The following ZDHHC15 variants were observed in gnomAD, a reference collection of about 807,000 sequenced individuals.
ZDHHC15 encodes the protein palmitoyltransferase ZDHHC15.
In ZDHHC15, 19 loss-of-function variants were observed where a neutral mutation model predicts 31.7. The ratio of observed to expected loss-of-function variants is 0.60; its 90% confidence interval spans 0.42 to 0.88. The LOEUF is 0.88. Ranked by LOEUF, ZDHHC15 falls within the 40% of genes least tolerant of loss-of-function variation. The pLI, the probability that ZDHHC15 is intolerant of heterozygous loss-of-function variation, is 0.00. For missense variants in ZDHHC15, 209 were observed against 251.2 expected (o/e 0.83, Z 1.14); for synonymous variants, 103 against 90.0 (o/e 1.14, Z -0.82).
At chrX:75,485,792 GACT>G (rs1238154437) in intron 2 of ZDHHC15, among the ~76,000 whole-genome samples, 1 of 112,388 alleles carries the variant, frequency 8.9e-6, no homozygotes, top group Non-Finnish European at 1.9e-5. Context: ...ACTCTGTAGT[GACT>G]ACTAACAACT....
At chrX:75,498,965 C>A (rs1173644062) in intron 2 of ZDHHC15, among the ~76,000 whole-genome samples, 4 of 111,314 alleles carry the variant, frequency 3.6e-5, no homozygotes, top group Non-Finnish European at 7.5e-5. Flanking sequence ...GAATAGAGAA[C>A]CCAGAAATAA....
chrX:75,515,489 A>G (rs1326340369), intron 1 of ZDHHC15, among the ~76,000 whole-genome samples: 1 of 111,891 alleles, frequency 8.9e-6, no homozygotes, highest in Non-Finnish European at 1.9e-5. Context: ...AAACCACATG[A>G]TTATCTTAAT....
At chrX:75,405,353 C>A (rs771066562) in intron 10 of ZDHHC15, among the ~76,000 whole-genome samples, 43 of 110,645 alleles carry the variant, frequency 3.9e-4, no homozygotes, top group Non-Finnish European at 7.8e-4. Context: ...ATATAAGAAA[C>A]CTTCACGTGT....
chrX:75,427,873 C>G lies in ZDHHC15; in HGVS notation c.603+1205G>C, dbSNP rs2083733302. ...TTATTAAATATCTGAACTGATTAAG[C>G]AAGTTGAAAGGGAAATGGAAAACAC... On this transcript the variant is annotated intron_variant, in intron 7 of 11. Transcript: ENST00000373367. 2.7e-5 allele frequency among the ~76,000 whole-genome samples: 3 copies of G among 111,042 alleles called. No homozygotes were observed. The South Asian group carries it at 1.1e-3, about 42-fold the overall frequency.
At chrX:75,405,867 C>A (rs764980551) in intron 10 of ZDHHC15, among the ~76,000 whole-genome samples, 2 of 112,352 alleles carry the variant, frequency 1.8e-5, no homozygotes, top group African/African-American at 3.2e-5. Flanking sequence ...AATATACATT[C>A]TTTTCTTCAG....
intron 3 of ZDHHC15, among the ~76,000 whole-genome samples, chrX:75,471,481 T>C (rs191149109): frequency 2.7e-4 from 30 of 111,944 alleles, no homozygotes; most frequent in South Asian, 3.8e-4. Context: ...TTCAGTAAAA[T>C]TTCCAGGGTT....
intron 2 of ZDHHC15, among the ~76,000 whole-genome samples, chrX:75,481,164 A>G (rs1390973672): frequency 9.0e-6 from 1 of 110,943 alleles, no homozygotes; most frequent in Non-Finnish European, 1.9e-5. Context: ...TGAGGTTTGT[A>G]CGGGGAAAAT....
intron 1 of ZDHHC15, among the ~76,000 whole-genome samples, chrX:75,508,547 C>T (rs1176355681): frequency 2.7e-5 from 3 of 109,470 alleles, no homozygotes; most frequent in Non-Finnish European, 5.7e-5. Flanking sequence ...CAGTCTATCA[C>T]TGATGGACAT....
intron 1 of ZDHHC15, among the ~76,000 whole-genome samples, chrX:75,517,515 G>T (rs747654142): frequency 1.0e-5 from 1 of 98,831 alleles, no homozygotes; most frequent in East Asian, 3.3e-4. Context: ...CATGTTCTCA[G>T]TCATAGGTGC....
intron 10 of ZDHHC15, among the ~76,000 whole-genome samples, chrX:75,405,099 C>G (rs997496066): frequency 8.9e-6 from 1 of 111,865 alleles, no homozygotes; most frequent in Non-Finnish European, 1.9e-5. Context: ...GAGCTGGAGG[C>G]TATCATCCTT....
intron 10 of ZDHHC15, among the ~76,000 whole-genome samples, chrX:75,403,442 ATC>A (rs1275843906): frequency 8.9e-6 from 1 of 112,004 alleles, no homozygotes; most frequent in African/African-American, 3.2e-5. Context: ...GTCAAACTAT[ATC>A]TGTTTGCAGA....
intron 4 of ZDHHC15, among the ~76,000 whole-genome samples, chrX:75,432,934 T>A (rs991786656): frequency 9.0e-6 from 1 of 111,034 alleles, no homozygotes; most frequent in Non-Finnish European, 1.9e-5. Context: ...CTGTGATCCA[T>A]GAATGAACCA....
chrX:75,421,773 T>C (rs895104204), intron 9 of ZDHHC15, 91 bp downstream of exon 9: 32 of 1,004,875 alleles, frequency 3.2e-5, no homozygotes, highest in Non-Finnish European at 4.3e-5. Context: ...CACACTGGAC[T>C]GATACCTGCT....
At chrX:75,391,352 A>C (rs2147777966) in intron 10 of ZDHHC15, among the ~76,000 whole-genome samples, 1 of 112,312 alleles carries the variant, frequency 8.9e-6, no homozygotes, top group African/African-American at 3.2e-5. Flanking sequence ...AATGACATTA[A>C]TATTCAATTA....
intron 11 of ZDHHC15, among the ~76,000 whole-genome samples, chrX:75,377,687 T>C (rs1286903000): frequency 6.3e-5 from 7 of 110,272 alleles, no homozygotes; most frequent in African/African-American, 2.0e-4. Context: ...CTGATAAGTA[T>C]TGCACGAAAT....
At chrX:75,409,793 T>C (rs1602580986) in intron 10 of ZDHHC15, among the ~76,000 whole-genome samples, 1 of 44,606 alleles carries the variant, frequency 2.2e-5, no homozygotes. Context: ...AGACCCCATC[T>C]CTAAAAAAAA....
At chrX:75,522,114 G>A (rs897583647) in intron 1 of ZDHHC15, among the ~76,000 whole-genome samples, 3 of 110,885 alleles carry the variant, frequency 2.7e-5, no homozygotes, top group Non-Finnish European at 5.7e-5. Context: ...AGACTGGAGG[G>A]AACTCCAGTA....
intron 10 of ZDHHC15, among the ~76,000 whole-genome samples, chrX:75,406,709 CAA>C (rs34310729): frequency 1.9e-3 from 134 of 71,147 alleles, no homozygotes; most frequent in East Asian, 0.012. Flanking sequence ...AGTCTTCCAT[CAA>C]AAAAAAAAAA....
chrX:75,395,365 T>C (rs1263210552), intron 10 of ZDHHC15, among the ~76,000 whole-genome samples: 3 of 111,786 alleles, frequency 2.7e-5, no homozygotes, highest in African/African-American at 9.7e-5. Context: ...AGTTGCAGAA[T>C]ACAAAATCAA....
Sources: gnomAD v4.1 joint callset for allele counts (sites outside exome capture counted in the v4.1 genomes callset) on GRCh38, gnomAD v4.1.1 for gene constraint, MANE v1.5 for transcripts, NCBI Gene and HGNC (gene_info 2026-07-23, HGNC 2026-07-21) for gene names.